The following SIGIRR variants were observed in gnomAD, a reference collection of about 807,000 sequenced individuals.
The protein encoded by SIGIRR is single Ig and TIR domain containing, also known as single Ig IL-1-related receptor.
Under a neutral mutation model 45.6 loss-of-function variants are expected in SIGIRR, and 41 were observed. That is an observed-to-expected ratio of 0.90 (90% CI 0.70 to 1.17). The LOEUF is 1.17. Ranked by LOEUF, SIGIRR falls within the 50% of genes most tolerant of loss-of-function variation. SIGIRR has a pLI of 0.00. For synonymous variants in SIGIRR, 298 were observed against 239.0 expected, an observed-to-expected ratio of 1.25 and a Z score of -2.28; for missense variants, 599 against 539.6, an observed-to-expected ratio of 1.11 and a Z score of -1.09.
At chr11:407,310 G>T in intron 6 of SIGIRR, 115 bp downstream of exon 6, 1 of 837,656 alleles carries the variant, frequency 1.2e-6, no homozygotes, top group South Asian at 2.0e-5. Context: ...CCTCGGGTGG[G>T]CGGGGATGGG....
chr11:410,625 G>T (rs1404890388), intron 1 of SIGIRR, among the ~76,000 whole-genome samples: 5 of 62,752 alleles, frequency 8.0e-5, no homozygotes, highest in South Asian at 1.1e-3. Flanking sequence ...CAGTCGGGGG[G>T]GGGGGGTGCC....
rs990885865 is a variant in SIGIRR, at chr11:406,806, G to C, written c.879+37C>G. The C allele has an allele frequency of 8.8e-6, 13 of 1,480,382 alleles. No individual in the cohort carries two copies. In the African/African-American group the frequency reaches 1.3e-4, roughly 14 times the overall value. 91.7% of individuals were successfully genotyped at this position (1,480,382 alleles called of 1,614,324 possible). A position where few individuals can be genotyped will look rare whatever the true frequency, so the allele number is the denominator to read the frequency against. ...CCCGGGCACCGCCCATCTCTAACCCGCCGCTAGCCCCGGACCCTCCCGCGC... is the reference window on the plus strand; with the variant it reads ...CCCGGGCACCGCCCATCTCTAACCCCCCGCTAGCCCCGGACCCTCCCGCGC... On this transcript the variant is annotated intron_variant, in intron 8 of 9. Coordinates refer to ENST00000431843, the MANE Select transcript of SIGIRR (RefSeq NM_001135054.2).
Position 408,186 on chromosome 11 carries a change from T to C in SIGIRR, c.227A>G (p.Glu76Gly). Residue 76 changes from glutamate (E) to glycine (G), a missense_variant, in exon 4 of 10, where the codon GAG (glutamate) becomes GGG (glycine). Glu to Gly is a moderately conservative substitution (Grantham distance 98). Transcript: ENST00000431843. ...EYSWVKANLS[E>G]VLVSSVLGVN... ...CCCCAGGACACTGGACACAAGCACCTCTGACAGGTTGGCCTTGACCCTGGG... is the reference window on the plus strand; with the variant it reads ...CCCCAGGACACTGGACACAAGCACCCCTGACAGGTTGGCCTTGACCCTGGG... The C allele has an allele frequency of 6.2e-7, 1 of 1,612,620 alleles. No individual in the cohort carries two copies. Among genetic ancestry groups the C allele is most frequent in the Non-Finnish European group, 8.5e-7 (1 of 1,179,922 alleles).
Position 407,431 on chromosome 11 carries a change from G to T in SIGIRR, c.619C>A (p.Arg207Ser), listed in dbSNP as rs780320181. Residue 207 changes from arginine (R) to serine (S), a missense_variant, in exon 6 of 10, where the codon CGC (arginine) becomes AGC (serine). Transcript: ENST00000431843. ...LFLDDRDLLP[R>S]AEPSADLLVN... ...GGGGTGGGGCCCGGGATACCAGCGC[G>T]CGGCAGGAGGTCGCGGTCGTCCAGG... is the stretch of plus-strand genomic sequence containing the variant. 17 of 1,546,466 alleles carry T rather than the reference G, an allele frequency of 1.1e-5. No homozygotes were observed. Among genetic ancestry groups the T allele is most frequent in the Non-Finnish European group, 1.5e-5 (17 of 1,145,328 alleles).
In SIGIRR at chr11:408,745, G is replaced by A. The variant is rs113922210; in HGVS notation, c.156C>T (p.Asp52=). 2.2e-3 allele frequency: 3,534 copies of A among 1,612,760 alleles called. 64 individuals carry two copies. In the African/African-American group the frequency reaches 0.037, roughly 17 times the overall value. Residue 52 remains aspartate, a synonymous_variant, in exon 3 of 10, where the codon GAC becomes GAT. Coordinates refer to ENST00000431843, the MANE Select transcript of SIGIRR (RefSeq NM_001135054.2). ...CSLPSVQWLK[D]GLPLGIGGHY... The stretch of plus-strand genomic sequence containing the variant: ...GGCCCCCAATTCCCAATGGAAGCCC[G>A]TCTTTCAGCCACTGGACTGAAGGCA...
chr11:407,897 A>G lies in SIGIRR; in HGVS notation c.401T>C (p.Leu134Pro). Residue 134 changes from leucine (L) to proline (P), a missense_variant, in exon 5 of 10, where the codon CTG (leucine) becomes CCG (proline). By Grantham distance (98) the Leu-to-Pro change is moderately conservative. Coordinates refer to ENST00000431843, the MANE Select transcript of SIGIRR (RefSeq NM_001135054.2). ...GCACTTGACATAGAGCAGGGCGGCC[A>G]GCAGCAGGGCCAGCAGGACCAGGAG... ...ASLLVLLALLLAALLYVKCRL... is the reference protein window; with the variant it reads ...ASLLVLLALLPAALLYVKCRL... 1 of 1,612,422 alleles carries G rather than the reference A, an allele frequency of 6.2e-7. No homozygotes were observed. Among genetic ancestry groups the G allele is most frequent in the Non-Finnish European group, 8.5e-7 (1 of 1,179,818 alleles).
At chr11:408,593 A>C in intron 3 of SIGIRR, 102 bp downstream of exon 3, 2 of 1,338,130 alleles carry the variant, frequency 1.5e-6, no homozygotes, top group Non-Finnish European at 2.1e-6. Flanking sequence ...TGCTCGTGAC[A>C]TGTCTGGCCA....
At chr11:412,106 G>A (rs1847666353) in intron 1 of SIGIRR, among the ~76,000 whole-genome samples, 1 of 23,020 alleles carries the variant, frequency 4.3e-5, no homozygotes, top group African/African-American at 1.6e-4. Context: ...GCCCAGCTCT[G>A]ACCATGTCTG....
upstream of SIGIRR, among the ~76,000 whole-genome samples, chr11:416,917 C>G (rs974652029): frequency 2.6e-5 from 4 of 152,256 alleles, no homozygotes; most frequent in Non-Finnish European, 4.4e-5. This position sits in a 1 kb window ranked among gnomAD's most constrained non-coding sequence, Gnocchi z 9.1. Context: ...CGGGCGAGCT[C>G]GGGCCCCAGC....
At chr11:408,605 G>T in intron 3 of SIGIRR, 90 bp downstream of exon 3, 2 of 1,458,072 alleles carry the variant, frequency 1.4e-6, no homozygotes, top group Non-Finnish European at 1.9e-6. Context: ...GTCTGGCCAG[G>T]TGGTTACAGA....
upstream of SIGIRR, among the ~76,000 whole-genome samples, chr11:415,315 G>A (rs967103594): frequency 1.3e-5 from 2 of 151,798 alleles, no homozygotes. The surrounding 1 kb of genome is among the most constrained non-coding windows in gnomAD (Gnocchi z 6.6). Context: ...GTGTGTGTGC[G>A]TGTGTGTTGT....
intron 8 of SIGIRR, 130 bp from the exon 9 acceptor site, chr11:406,668 G>T: frequency 1.4e-6 from 2 of 1,407,890 alleles, no homozygotes; most frequent in East Asian, 5.0e-5. Context: ...TGGCTCCGGG[G>T]GCCTCAAGGG....
At chr11:407,285 GT>G (rs1275805532) in intron 6 of SIGIRR, 121 bp from the exon 7 acceptor site, 1 of 557,676 alleles carries the variant, frequency 1.8e-6, no homozygotes, top group Non-Finnish European at 2.6e-6. Context: ...GGGTGGGCGG[GT>G]TTTTGAGGCG....
chr11:407,080 C>A lies in SIGIRR; in HGVS notation c.710G>T (p.Trp237Leu). The A allele has an allele frequency of 6.4e-7, 1 of 1,555,608 alleles. No homozygotes were observed. Among genetic ancestry groups the A allele is most frequent in the East Asian group, 2.5e-5 (1 of 40,440 alleles). ...VLSDAFLSRA[W>L]CSHSFREGLC... ...GACCCACCGGAAGCTGTGGCTGCAC[C>A]AGGCCCGGCTCAGGAAGGCGTCCGA... is the stretch of plus-strand genomic sequence containing the variant. Residue 237 changes from tryptophan (W) to leucine (L), a missense_variant, in exon 7 of 10, where the codon TGG becomes TTG. By Grantham distance (61) the Trp-to-Leu change is moderately conservative. Transcript: ENST00000431843.
chr11:415,553 C>T (rs922209892), upstream of SIGIRR, among the ~76,000 whole-genome samples: 7 of 152,150 alleles, frequency 4.6e-5, no homozygotes, highest in Non-Finnish European at 5.9e-5. This position sits in a 1 kb window ranked among gnomAD's most constrained non-coding sequence, Gnocchi z 6.6. Flanking sequence ...CAGAAACTCC[C>T]GGTCAACAAT....
Position 407,453 on chromosome 11 carries a change from C to T in SIGIRR, c.597G>A (p.Leu199=). 1.9e-6 allele frequency: 3 copies of T among 1,559,326 alleles called. No individual in the cohort carries two copies. Among genetic ancestry groups the T allele is most frequent in the Non-Finnish European group, 2.6e-6 (3 of 1,152,436 alleles). Residue 199 remains leucine (L), a synonymous_variant, in exon 6 of 10, where the codon CTG becomes CTA. Transcript: ENST00000431843. Reference sequence around the variant, plus strand: ...CGCGCGGCAGGAGGTCGCGGTCGTCCAGGAAGAGCTTGTAGCCCCGACGCC... The same window carrying T: ...CGCGCGGCAGGAGGTCGCGGTCGTCTAGGAAGAGCTTGTAGCCCCGACGCC... ...LERRRGYKLF[L]DDRDLLPRAE...
chr11:412,786 GACACCTCGAA>G (rs1847724886), intron 1 of SIGIRR, among the ~76,000 whole-genome samples: 1 of 151,968 alleles, frequency 6.6e-6, no homozygotes, highest in Non-Finnish European at 1.5e-5. Context: ...CGTGAGCACA[GACACCTCGAA>G]ACACCTCGGG....
At chr11:407,248 A>T in intron 6 of SIGIRR, 84 bp from the exon 7 acceptor site, 1 of 586,008 alleles carries the variant, frequency 1.7e-6, no homozygotes, top group Non-Finnish European at 2.5e-6. Context: ...CCGGACGCAG[A>T]GCTCTAAGGG....
Position 407,044 on chromosome 11 carries a change from A to G in SIGIRR, c.728+18T>C. ...TGGGTGCTACGCTGGGGCCCACCCA[A>G]CCCCGCGCGGGACCCACCGGAAGCT... On this transcript the variant is annotated intron_variant, in intron 7 of 9. Coordinates refer to ENST00000431843, the MANE Select transcript of SIGIRR (RefSeq NM_001135054.2). 6.4e-7 allele frequency: 1 copy of G among 1,574,468 alleles called. No homozygotes were observed. Among genetic ancestry groups the G allele is most frequent in the Non-Finnish European group, 8.6e-7 (1 of 1,166,874 alleles).
Sources: allele counts gnomAD v4.1 joint callset (sites outside exome capture counted in the v4.1 genomes callset), GRCh38; gene constraint gnomAD v4.1.1; non-coding constraint Gnocchi (gnomAD v3.1); transcripts MANE v1.5; gene names NCBI Gene and HGNC (gene_info 2026-07-23, HGNC 2026-07-21).